Variants in SYBU observed in about 807,000 individuals in gnomAD.
SYBU encodes GOLSYN A protein.
Under a neutral mutation model 35.9 loss-of-function variants are expected in SYBU, and 21 were observed. That is an observed-to-expected ratio of 0.58 (90% CI 0.41 to 0.84). The LOEUF (loss-of-function observed/expected upper bound fraction) is 0.84. Among genes scored for constraint, SYBU ranks in the 40% least tolerant of loss-of-function variants. SYBU has a pLI of 0.00. For missense variants in SYBU, 768 were observed against 848.2 expected (o/e 0.91, Z 1.17); for synonymous variants, 319 against 324.3 (o/e 0.98, Z 0.18).
chr8:109,622,205 C>T (rs1812485190), intron 2 of SYBU, among the ~76,000 whole-genome samples: 1 of 147,062 alleles, frequency 6.8e-6, no homozygotes, highest in African/African-American at 2.6e-5. Flanking sequence ...ATCTATCTAT[C>T]TATCTATCTA....
At chr8:109,661,115 G>A (rs1816543910) in intron 1 of SYBU, among the ~76,000 whole-genome samples, 2 of 152,176 alleles carry the variant, frequency 1.3e-5, no homozygotes, top group Non-Finnish European at 2.9e-5. Flanking sequence ...AATAGATTTT[G>A]GACAGAAGTG....
chr8:109,659,145 T>G (rs1424771801), intron 1 of SYBU, among the ~76,000 whole-genome samples: 1 of 152,192 alleles, frequency 6.6e-6, no homozygotes, highest in Non-Finnish European at 1.5e-5. Flanking sequence ...GAAAAAGAAC[T>G]GGGCTTGCTG....
At chr8:109,672,508 A>G (rs771197986) in intron 1 of SYBU, among the ~76,000 whole-genome samples, 1 of 152,172 alleles carries the variant, frequency 6.6e-6, no homozygotes, top group Non-Finnish European at 1.5e-5. Flanking sequence ...CCCAGATACT[A>G]TGCTTTTCCC....
chr8:109,656,115 CAA>C (rs57337373), intron 1 of SYBU, among the ~76,000 whole-genome samples: 37,866 of 143,992 alleles, frequency 0.26, 4,925 homozygotes, highest in East Asian at 0.44. Flanking sequence ...GACTCCGTCT[CAA>C]AAAAAAAAAA....
intron 3 of SYBU, among the ~76,000 whole-genome samples, chr8:109,596,599 AT>A (rs1194197000): frequency 1.3e-5 from 2 of 152,240 alleles, no homozygotes; most frequent in Non-Finnish European, 2.9e-5. Flanking sequence ...AAAACAGGTT[AT>A]CATGATGTAT....
rs2131157049 is a variant in SYBU, at chr8:109,574,856, T to A, written c.*50A>T. Reference sequence around the variant, plus strand: ...ATGATTGACTTCCTGTTTCTCTACCTGGCACAACCCACATGGGACACATTG... The same window carrying A: ...ATGATTGACTTCCTGTTTCTCTACCAGGCACAACCCACATGGGACACATTG... On this transcript the variant is annotated 3_prime_UTR_variant, in exon 7 of 7. Coordinates refer to ENST00000276646, the MANE Select transcript of SYBU (RefSeq NM_001099754.2). 2.0e-6 allele frequency: 3 copies of A among 1,494,992 alleles called. No homozygotes were observed. In the South Asian group the frequency reaches 4.4e-5, roughly 22 times the overall value. The allele number at this position is 1,494,992 out of a possible 1,614,324, so 92.6% of individuals were successfully genotyped here.
chr8:109,604,735 T>G (rs565884669), intron 3 of SYBU, among the ~76,000 whole-genome samples: 10 of 152,332 alleles, frequency 6.6e-5, no homozygotes, highest in African/African-American at 2.4e-4. Flanking sequence ...TTGCCCTCTG[T>G]GCACTAGTGC....
At chr8:109,688,386 G>A (rs1285386498) in intron 1 of SYBU, among the ~76,000 whole-genome samples, 1 of 152,144 alleles carries the variant, frequency 6.6e-6, no homozygotes, top group Non-Finnish European at 1.5e-5. Flanking sequence ...GTGTACACAG[G>A]AACCTTTCTT....
chr8:109,623,944 G>T (rs963168880), intron 2 of SYBU, among the ~76,000 whole-genome samples: 7 of 152,078 alleles, frequency 4.6e-5, no homozygotes, highest in Non-Finnish European at 1.0e-4. Flanking sequence ...CAGTTTGCTT[G>T]CCTGTTTGCT....
intron 1 of SYBU, among the ~76,000 whole-genome samples, chr8:109,663,165 T>C (rs1337213060): frequency 1.3e-5 from 2 of 152,162 alleles, no homozygotes; most frequent in African/African-American, 2.4e-5. Flanking sequence ...GAATGAATTA[T>C]ATCAAGCACA....
chr8:109,625,695 A>G (rs1812912233), intron 2 of SYBU, among the ~76,000 whole-genome samples: 1 of 152,218 alleles, frequency 6.6e-6, no homozygotes, highest in Non-Finnish European at 1.5e-5. Flanking sequence ...TGCTGGGATT[A>G]CAGGTGTGAG....
In SYBU at chr8:109,640,630, T is replaced by C. The variant is rs555686813; in HGVS notation, c.229+2098A>G. On this transcript the variant is annotated intron_variant, in intron 2 of 6. Transcript: ENST00000276646. The stretch of plus-strand genomic sequence containing the variant: ...TAGGAATACTAACTGTGATAGCTTC[T>C]CAGTTATCCTTTTGTTTTCTTCTTG... 7.2e-5 allele frequency among the ~76,000 whole-genome samples: 11 copies of C among 152,290 alleles called. No individual in the cohort carries two copies. In the South Asian group the frequency reaches 2.3e-3, roughly 32 times the overall value.
At chr8:109,628,521 T>C (rs1813225323) in intron 2 of SYBU, among the ~76,000 whole-genome samples, 1 of 152,124 alleles carries the variant, frequency 6.6e-6, no homozygotes, top group Non-Finnish European at 1.5e-5. Flanking sequence ...TCTTTTTCTT[T>C]TTTTGTAAAT....
chr8:109,582,034 C>T (rs1823089987), intron 4 of SYBU, among the ~76,000 whole-genome samples: 1 of 152,146 alleles, frequency 6.6e-6, no homozygotes, highest in Admixed American at 6.5e-5. Context: ...CTTTTCCATG[C>T]TTCACTTCTA....
chr8:109,626,502 T>C (rs1159436186), intron 2 of SYBU, among the ~76,000 whole-genome samples: 12 of 152,174 alleles, frequency 7.9e-5, no homozygotes, highest in Admixed American at 7.9e-4. Flanking sequence ...TTGAAAGCAA[T>C]AAATACTTTT....
At chr8:109,578,746 G>C (rs936759237) in intron 5 of SYBU, among the ~76,000 whole-genome samples, 1 of 152,126 alleles carries the variant, frequency 6.6e-6, no homozygotes, top group African/African-American at 2.4e-5. Flanking sequence ...GGATGGGCCC[G>C]GGCAGAAGAG....
At chr8:109,667,261 T>C (rs979803676) in intron 1 of SYBU, among the ~76,000 whole-genome samples, 3 of 151,876 alleles carry the variant, frequency 2.0e-5, no homozygotes, top group Non-Finnish European at 4.4e-5. Flanking sequence ...GGACTACAGG[T>C]GCCCACCACT....
intron 3 of SYBU, among the ~76,000 whole-genome samples, chr8:109,611,167 A>G (rs750680240): frequency 1.1e-4 from 16 of 152,166 alleles, no homozygotes; most frequent in Non-Finnish European, 1.9e-4. Context: ...TACTTTTGAG[A>G]GACCTATAAC....
intron 3 of SYBU, chr8:109,608,106 C>A (rs1826255822): frequency 1.7e-6 from 1 of 592,466 alleles, no homozygotes; most frequent in Non-Finnish European, 2.8e-6. Context: ...TCTGCTGGCA[C>A]CATAGCAACA....
Sources: gnomAD v4.1 joint callset for allele counts (sites outside exome capture counted in the v4.1 genomes callset) on GRCh38, gnomAD v4.1.1 for gene constraint, MANE v1.5 for transcripts, NCBI Gene and HGNC (gene_info 2026-07-23, HGNC 2026-07-21) for gene names.